Variants in DNAH8 observed in about 807,000 individuals in gnomAD.
DNAH8 encodes the protein dynein axonemal heavy chain 8.
A neutral mutation model predicts 562.1 loss-of-function variants in DNAH8; 382 were observed. The observed-to-expected ratio is 0.68, with a 90% CI of 0.63 to 0.74. The LOEUF (loss-of-function observed/expected upper bound fraction) is 0.74. Ranked by LOEUF, DNAH8 falls within the 30% of genes least tolerant of loss-of-function variation. The probability of loss-of-function intolerance (pLI) is 0.00; values close to 1 mark genes in which losing one functional copy is unlikely to be tolerated. For missense variants in DNAH8, 5,203 were observed against 5,620.4 expected (o/e 0.93, Z 2.37); for synonymous variants, 1,881 against 1,919.4 (o/e 0.98, Z 0.52).
At chr6:38,946,621 C>T (rs981458375) in intron 80 of DNAH8, among the ~76,000 whole-genome samples, 2 of 152,132 alleles carry the variant, frequency 1.3e-5, no homozygotes, top group Non-Finnish European at 2.9e-5. Flanking sequence ...CCAGCCTGAC[C>T]AACATAGTGA....
intron 84 of DNAH8, 89 bp downstream of exon 84, chr6:38,973,902 T>G: frequency 9.3e-7 from 1 of 1,081,042 alleles, no homozygotes; most frequent in Non-Finnish European, 1.3e-6. Context: ...CAACAGGGCT[T>G]TTTGGTCCTG....
Position 38,929,525 on chromosome 6 carries a change from C to T in DNAH8, c.11133C>T (p.Asn3711=). The T allele has an allele frequency of 1.9e-6, 3 of 1,611,582 alleles. No individual in the cohort carries two copies. Among genetic ancestry groups the T allele is most frequent in the Admixed American group, 1.7e-5 (1 of 59,758 alleles). ...KENDLQVTSL[N]HKYFRTHLED... Reference sequence around the variant, plus strand: ...TTTCTGTTTAGGTGACATCTCTGAACCATAAATATTTTCGCACACACTTGG... The same window carrying T: ...TTTCTGTTTAGGTGACATCTCTGAATCATAAATATTTTCGCACACACTTGG... Residue 3711 remains asparagine, a synonymous_variant, in exon 75 of 93, where the codon AAC becomes AAT. Coordinates refer to ENST00000327475, the MANE Select transcript of DNAH8 (RefSeq NM_001206927.2).
intron 4 of DNAH8, among the ~76,000 whole-genome samples, chr6:38,731,509 G>T (rs1763656122): frequency 6.6e-6 from 1 of 152,104 alleles, no homozygotes; most frequent in South Asian, 2.1e-4. Flanking sequence ...TAGAATTTAG[G>T]TTGTTTACAA....
intron 52 of DNAH8, 59 bp from the exon 53 acceptor site, chr6:38,875,532 A>G (rs565186828): frequency 2.9e-6 from 3 of 1,019,264 alleles, no homozygotes; most frequent in African/African-American, 3.3e-5. Flanking sequence ...ACTATTATTT[A>G]CAATTTTTTA....
At chr6:38,970,092 A>G (rs992878787) in intron 82 of DNAH8, among the ~76,000 whole-genome samples, 14 of 152,148 alleles carry the variant, frequency 9.2e-5, no homozygotes, top group Non-Finnish European at 2.9e-5. Flanking sequence ...ATCAAGCAAC[A>G]ACTGTCCCAG....
intron 10 of DNAH8, among the ~76,000 whole-genome samples, chr6:38,761,254 TC>T (rs1421354550): frequency 1.4e-5 from 1 of 73,432 alleles, no homozygotes; most frequent in Admixed American, 1.8e-4. Context: ...ATGCTATCCC[TC>T]CCCCCTCCCC....
intron 1 of DNAH8, among the ~76,000 whole-genome samples, chr6:38,715,946 A>ATTTTT (rs1200800954): frequency 6.1e-5 from 1 of 16,520 alleles, no homozygotes; most frequent in African/African-American, 2.8e-4. Context: ...ATATATATAT[A>ATTTTT]TATATATATA....
intron 10 of DNAH8, 139 bp downstream of exon 10, chr6:38,756,218 G>A (rs1765894887): frequency 3.0e-6 from 2 of 656,584 alleles, no homozygotes. Flanking sequence ...GAAGAGAAAG[G>A]CGTTGACTGG....
intron 1 of DNAH8, among the ~76,000 whole-genome samples, chr6:38,718,021 T>C (rs899781870): frequency 3.9e-5 from 6 of 152,244 alleles, no homozygotes; most frequent in Admixed American, 6.5e-5. Flanking sequence ...TATGTAACGA[T>C]GTGTCTTGGA....
At chr6:38,938,380 T>C (rs1387413500) in intron 78 of DNAH8, among the ~76,000 whole-genome samples, 154 bp downstream of exon 78, 3 of 152,158 alleles carry the variant, frequency 2.0e-5, no homozygotes, top group Non-Finnish European at 4.4e-5. Context: ...GAAAAGGTGG[T>C]ACATATACAA....
At chr6:38,798,093 C>G in intron 21 of DNAH8, among the ~76,000 whole-genome samples, 1 of 151,490 alleles carries the variant, frequency 6.6e-6, no homozygotes, top group South Asian at 2.1e-4. Context: ...AAAAAATCAA[C>G]TTTGCTCTAT....
At chr6:38,812,694 C>T (rs1678687) in intron 24 of DNAH8, among the ~76,000 whole-genome samples, 43,689 of 151,726 alleles carry the variant, frequency 0.29, 6,571 homozygotes, top group Admixed American at 0.37. Context: ...AGGTGGATTT[C>T]CCCCCATTAA....
At chr6:38,908,799 T>G (rs1780670741) in intron 64 of DNAH8, among the ~76,000 whole-genome samples, 1 of 152,176 alleles carries the variant, frequency 6.6e-6, no homozygotes, top group Non-Finnish European at 1.5e-5. Flanking sequence ...GCGATTCACC[T>G]GCCTGGGCCT....
Position 38,971,658 on chromosome 6 carries a change from T to C in DNAH8, c.12518T>C (p.Met4173Thr). Residue 4173 changes from methionine (M) to threonine (T), a missense_variant, in exon 83 of 93, where the codon ATG becomes ACG. Met to Thr is a moderately conservative substitution (Grantham distance 81). Coordinates refer to ENST00000327475, the MANE Select transcript of DNAH8 (RefSeq NM_001206927.2). Reference sequence around the variant, plus strand: ...GCTCGAAAGCTGATTCAGATGTCAATGCAGCAGGTATGTGACAAGAGACTG... The same window carrying C: ...GCTCGAAAGCTGATTCAGATGTCAACGCAGCAGGTATGTGACAAGAGACTG... ...VHARKLIQMS[M>T]QQGGWVLLQN... The C allele has an allele frequency of 6.2e-7, 1 of 1,600,782 alleles. No homozygotes were observed. The highest frequency in any genetic ancestry group is 8.5e-7 in the Non-Finnish European group (1 of 1,173,844).
chr6:38,743,417 T>A (rs921672635), intron 8 of DNAH8, among the ~76,000 whole-genome samples: 2 of 152,178 alleles, frequency 1.3e-5, no homozygotes, highest in African/African-American at 4.8e-5. Context: ...ATTTATTTTA[T>A]CCATTTAAAG....
At chr6:38,730,220 G>A (rs1010006797) in intron 4 of DNAH8, among the ~76,000 whole-genome samples, 4 of 152,204 alleles carry the variant, frequency 2.6e-5, no homozygotes, top group Non-Finnish European at 5.9e-5. Flanking sequence ...ACTGGCCTCT[G>A]CTGGGAATAC....
rs1469749494 is a variant in DNAH8, at chr6:38,763,398, CAA to C, written c.1617+1596_1617+1597del. Reference sequence around the variant, plus strand: ...AAGAAAAAAAAGCAGAATATTGTGACAAGAGAGGGATTGAAAAGAAGAACAGA... The same window carrying C: ...AAGAAAAAAAAGCAGAATATTGTGACGAGAGGGATTGAAAAGAAGAACAGA... On this transcript the variant is annotated intron_variant, in intron 11 of 92. Coordinates refer to ENST00000327475, the MANE Select transcript of DNAH8 (RefSeq NM_001206927.2). 9 of 287,696 alleles carry C rather than the reference CAA, an allele frequency of 3.1e-5. No individual in the cohort carries two copies. In the East Asian group the frequency reaches 5.1e-4, roughly 16 times the overall value. The allele number at this position is 287,696 out of a possible 1,614,324, so 17.8% of individuals were successfully genotyped here. A position where few individuals can be genotyped will look rare whatever the true frequency, so the allele number is the denominator to read the frequency against.
At chr6:38,934,802 C>T (rs1782821183) in intron 76 of DNAH8, among the ~76,000 whole-genome samples, 1 of 152,152 alleles carries the variant, frequency 6.6e-6, no homozygotes, top group Non-Finnish European at 1.5e-5. Context: ...AAGGACATGA[C>T]ATCCACGAGT....
intron 53 of DNAH8, among the ~76,000 whole-genome samples, chr6:38,877,457 A>G (rs564195272): frequency 2.6e-5 from 4 of 152,320 alleles, no homozygotes; most frequent in African/African-American, 9.6e-5. Context: ...CTAGACTCAT[A>G]TTCCTTCTTC....
Sources: gnomAD v4.1 joint callset for allele counts (sites outside exome capture counted in the v4.1 genomes callset) on GRCh38, gnomAD v4.1.1 for gene constraint, MANE v1.5 for transcripts, NCBI Gene and HGNC (gene_info 2026-07-23, HGNC 2026-07-21) for gene names.